The following PDZRN4 variants were observed in gnomAD, a reference collection of about 807,000 sequenced individuals.
PDZRN4 encodes PDZ domain containing ring finger 4.
A neutral mutation model predicts 99.0 loss-of-function variants in PDZRN4; 70 were observed. The ratio of observed to expected loss-of-function variants is 0.71; its 90% CI spans 0.58 to 0.86. The LOEUF (loss-of-function observed/expected upper bound fraction) is 0.86. Among genes scored for constraint, PDZRN4 ranks in the 40% least tolerant of loss-of-function variants. The pLI, the probability that PDZRN4 is intolerant of heterozygous loss-of-function variation, is 0.00. For synonymous variants in PDZRN4, 551 were observed against 501.6 expected (o/e 1.10, Z -1.32); for missense variants, 1,474 against 1,331.2 (o/e 1.11, Z -1.67).
At chr12:41,318,845 A>AT (rs1192402659) in intron 3 of PDZRN4, among the ~76,000 whole-genome samples, 1 of 152,218 alleles carries the variant, frequency 6.6e-6, no homozygotes, top group Non-Finnish European at 1.5e-5. Context: ...TGGATAGATT[A>AT]TTACCTCTCT....
At chr12:41,295,438 T>C (rs1271855808) in intron 3 of PDZRN4, among the ~76,000 whole-genome samples, 1 of 145,642 alleles carries the variant, frequency 6.9e-6, no homozygotes, top group Non-Finnish European at 1.5e-5. Flanking sequence ...TTTGAAGGCA[T>C]TTTTTTTTCT....
At chr12:41,480,969 CA>C (rs1174960994) in intron 3 of PDZRN4, among the ~76,000 whole-genome samples, 1 of 148,112 alleles carries the variant, frequency 6.8e-6, no homozygotes, top group African/African-American at 2.5e-5. Context: ...CCTTAAATTA[CA>C]GGGTTTTTTT....
chr12:41,248,071 T>C (rs575666985), intron 3 of PDZRN4, among the ~76,000 whole-genome samples: 34 of 152,306 alleles, frequency 2.2e-4, no homozygotes, highest in African/African-American at 8.2e-4. Context: ...TTGTTGCAGG[T>C]TCACTTCACC....
intron 3 of PDZRN4, among the ~76,000 whole-genome samples, chr12:41,450,025 A>C (rs1293666699): frequency 6.6e-6 from 1 of 152,154 alleles, no homozygotes; most frequent in Admixed American, 6.6e-5. Context: ...CATAATTATG[A>C]TAGTACTAAA....
intron 3 of PDZRN4, among the ~76,000 whole-genome samples, chr12:41,500,948 A>G (rs1938098303): frequency 1.3e-5 from 2 of 152,118 alleles, no homozygotes; most frequent in South Asian, 4.1e-4. Flanking sequence ...TAGAGAATTG[A>G]CTCTGCGTCA....
chr12:41,296,408 A>G (rs1407309662), intron 3 of PDZRN4, among the ~76,000 whole-genome samples: 1 of 152,186 alleles, frequency 6.6e-6, no homozygotes, highest in Non-Finnish European at 1.5e-5. Context: ...TGGCTTGTTG[A>G]CTTTATGAAG....
chr12:41,571,727 T>A (rs1030991061), intron 9 of PDZRN4, among the ~76,000 whole-genome samples: 1 of 152,128 alleles, frequency 6.6e-6, no homozygotes, highest in South Asian at 2.1e-4. Flanking sequence ...AGATGAAGCT[T>A]TGCCTCCATC....
intron 5 of PDZRN4, among the ~76,000 whole-genome samples, chr12:41,541,886 C>G (rs929979010): frequency 2.0e-5 from 3 of 152,144 alleles, no homozygotes; most frequent in Admixed American, 1.3e-4. Context: ...TGTATCTGCT[C>G]TTATATTTAG....
chr12:41,312,683 G>T (rs1280138944), intron 3 of PDZRN4, among the ~76,000 whole-genome samples: 1 of 152,068 alleles, frequency 6.6e-6, no homozygotes, highest in Non-Finnish European at 1.5e-5. Context: ...GATCTCGTGA[G>T]ACTTATTCAC....
chr12:41,464,319 G>A (rs1205822943), intron 3 of PDZRN4, among the ~76,000 whole-genome samples: 2 of 151,778 alleles, frequency 1.3e-5, no homozygotes, highest in East Asian at 3.9e-4. Flanking sequence ...ATAGAATACA[G>A]CTCTTATATA....
At chr12:41,203,023 C>T (rs535376993) in intron 3 of PDZRN4, among the ~76,000 whole-genome samples, 1 of 151,550 alleles carries the variant, frequency 6.6e-6, no homozygotes, top group Non-Finnish European at 1.5e-5. Context: ...AAATAGTTAA[C>T]AAACATTTGT....
intron 5 of PDZRN4, among the ~76,000 whole-genome samples, chr12:41,538,191 A>T (rs551422093): frequency 6.6e-6 from 1 of 152,286 alleles, no homozygotes; most frequent in African/African-American, 2.4e-5. Flanking sequence ...GGAAATACAA[A>T]GGTATATTAA....
intron 5 of PDZRN4, among the ~76,000 whole-genome samples, chr12:41,513,620 T>A (rs1938346115): frequency 6.6e-6 from 1 of 152,074 alleles, no homozygotes; most frequent in South Asian, 2.1e-4. Context: ...CTCCTTTTAG[T>A]TTCAACTTTA....
chr12:41,217,393 T>C (rs1015329639), intron 3 of PDZRN4, among the ~76,000 whole-genome samples: 1 of 152,032 alleles, frequency 6.6e-6, no homozygotes, highest in Non-Finnish European at 1.5e-5. Flanking sequence ...ATTTTCCTGT[T>C]GTGCTGGGCT....
intron 3 of PDZRN4, among the ~76,000 whole-genome samples, chr12:41,382,306 G>C (rs576525988): frequency 6.6e-6 from 1 of 152,120 alleles, no homozygotes; most frequent in Non-Finnish European, 1.5e-5. Flanking sequence ...CTACAATTGG[G>C]TGAGACCACA....
At chr12:41,457,218 A>G (rs1952823692) in intron 3 of PDZRN4, among the ~76,000 whole-genome samples, 1 of 152,172 alleles carries the variant, frequency 6.6e-6, no homozygotes, top group Non-Finnish European at 1.5e-5. Context: ...TATAAACACT[A>G]TGCTATTGGA....
intron 5 of PDZRN4, among the ~76,000 whole-genome samples, chr12:41,544,963 A>G (rs532949765): frequency 2.6e-5 from 4 of 152,326 alleles, no homozygotes; most frequent in South Asian, 2.1e-4. Flanking sequence ...TATGAAATGG[A>G]AATAATGATA....
At chr12:41,519,773 T>C (rs946976726) in intron 5 of PDZRN4, among the ~76,000 whole-genome samples, 5 of 152,106 alleles carry the variant, frequency 3.3e-5, no homozygotes, top group South Asian at 2.1e-4. Context: ...TTAGTAGATA[T>C]ATTGTGGTTT....
chr12:41,263,939 G>A (rs17129179), intron 3 of PDZRN4, among the ~76,000 whole-genome samples: 2,269 of 152,148 alleles, frequency 0.015, 58 homozygotes, highest in African/African-American at 0.053. Flanking sequence ...TGTGATCAAA[G>A]GTAAAATCAA....
Sources: allele counts gnomAD v4.1 joint callset (sites outside exome capture counted in the v4.1 genomes callset), GRCh38; gene constraint gnomAD v4.1.1; transcripts MANE v1.5; gene names NCBI Gene and HGNC (gene_info 2026-07-23, HGNC 2026-07-21).